Variants in EPG5 observed in about 807,000 individuals in gnomAD.
The protein encoded by EPG5 is ectopic P-granules 5 autophagy tethering factor.
Under a neutral mutation model 302.7 loss-of-function variants are expected in EPG5, and 159 were observed. The ratio of observed to expected loss-of-function variants is 0.53; its 90% CI spans 0.46 to 0.60. EPG5 has a LOEUF of 0.60. EPG5 is among the 20% of genes least tolerant of loss of function. The pLI is 0.00. For synonymous variants in EPG5, 1,158 were observed against 1,136.8 expected (o/e 1.02, Z -0.37); for missense variants, 2,896 against 3,092.4 (o/e 0.94, Z 1.51).
At chr18:45,958,393 G>C (rs2051076855) in intron 1 of EPG5, among the ~76,000 whole-genome samples, 1 of 152,164 alleles carries the variant, frequency 6.6e-6, no homozygotes, top group Non-Finnish European at 1.5e-5. Context: ...AAAGAACAAA[G>C]TTGGAGAACT....
chr18:45,919,697 A>G (rs2050112470), intron 16 of EPG5, among the ~76,000 whole-genome samples: 1 of 152,056 alleles, frequency 6.6e-6, no homozygotes, highest in Non-Finnish European at 1.5e-5. Flanking sequence ...TATTTTTAGT[A>G]GAGACGGGGT....
intron 25 of EPG5, among the ~76,000 whole-genome samples, chr18:45,902,384 T>C (rs1284978024): frequency 6.6e-6 from 1 of 152,202 alleles, no homozygotes; most frequent in Admixed American, 6.5e-5. Flanking sequence ...TATGTTAAAG[T>C]TCCTTTCAAG....
intron 27 of EPG5, among the ~76,000 whole-genome samples, chr18:45,895,784 C>T (rs182117220): frequency 1.4e-4 from 22 of 152,258 alleles, no homozygotes; most frequent in African/African-American, 4.8e-4. Context: ...ATAAAAATAA[C>T]ACAACCTACC....
At chr18:45,824,653 G>A in the EPG5 span, among the ~76,000 whole-genome samples, 25 of 152,290 alleles carry the variant, frequency 1.6e-4, no homozygotes, top group South Asian at 2.1e-4. Flanking sequence ...GCCAAGGCAC[G>A]GCCAAAGGGA....
chr18:45,930,669 T>C lies in EPG5; in HGVS notation c.2412+7A>G. 1 of 1,557,860 alleles carries C rather than the reference T, an allele frequency of 6.4e-7. No homozygotes were observed. On this transcript the variant is annotated splice_region_variant and intron_variant, in intron 12 of 43. Coordinates refer to ENST00000282041, the MANE Select transcript of EPG5 (RefSeq NM_020964.3). The stretch of plus-strand genomic sequence containing the variant: ...TTTAGCTGATTTATAAAACTTCATA[T>C]TCTAACCTCATATATCTCCAGAACA...
At chr18:45,837,614 CA>C in the EPG5 span, 2 of 1,509,492 alleles carry the variant, frequency 1.3e-6, no homozygotes, top group Non-Finnish European at 1.8e-6. Flanking sequence ...CCCGCACCGC[CA>C]CTACGACGGG....
intron 11 of EPG5, among the ~76,000 whole-genome samples, chr18:45,931,733 A>T (rs1599599116): frequency 6.6e-6 from 1 of 151,978 alleles, no homozygotes; most frequent in South Asian, 2.1e-4. Flanking sequence ...TACTCGGGAG[A>T]CTGACGCAGG....
At chr18:45,819,061 G>A in the EPG5 span, among the ~76,000 whole-genome samples, 258 of 152,226 alleles carry the variant, frequency 1.7e-3, 1 homozygote, top group African/African-American at 6.0e-3. Context: ...AAGTTTTAAA[G>A]CAAAATTTTT....
chr18:45,816,794 A>T, the EPG5 span, among the ~76,000 whole-genome samples: 2 of 152,338 alleles, frequency 1.3e-5, no homozygotes, highest in East Asian at 3.9e-4. Context: ...AGAAGTCATT[A>T]TACAAAAAAG....
intron 30 of EPG5, among the ~76,000 whole-genome samples, chr18:45,883,754 C>T (rs930027133): frequency 7.3e-5 from 11 of 150,276 alleles, no homozygotes; most frequent in African/African-American, 1.9e-4. Flanking sequence ...CCACTGCACC[C>T]GACCAAAACT....
At chr18:45,953,824 G>T (rs1267697291) in intron 2 of EPG5, 1 of 985,152 alleles carries the variant, frequency 1.0e-6, no homozygotes, top group Non-Finnish European at 1.2e-6. Context: ...CACTCAATGG[G>T]GAAGACCATT....
chr18:45,940,901 G>T (rs963698647), intron 9 of EPG5, among the ~76,000 whole-genome samples: 4 of 152,270 alleles, frequency 2.6e-5, no homozygotes, highest in East Asian at 3.9e-4. Context: ...AGTTTGGGAA[G>T]GGGGGAGAGT....
chr18:45,938,183 G>T (rs1278185422), intron 10 of EPG5, among the ~76,000 whole-genome samples: 1 of 152,112 alleles, frequency 6.6e-6, no homozygotes, highest in Non-Finnish European at 1.5e-5. Context: ...AGATAAGGCC[G>T]GGTGAAGTGG....
the EPG5 span, among the ~76,000 whole-genome samples, chr18:45,830,218 C>G: frequency 6.6e-6 from 1 of 152,208 alleles, no homozygotes; most frequent in African/African-American, 2.4e-5. Context: ...TGTGGCAAAA[C>G]CAAGGTTTCT....
chr18:45,812,943 T>C, the EPG5 span, among the ~76,000 whole-genome samples: 1 of 152,126 alleles, frequency 6.6e-6, no homozygotes, highest in African/African-American at 2.4e-5. Context: ...CTAAAGAGCT[T>C]CTGCACAGCA....
At chr18:45,858,868 A>G (rs576136012) in intron 40 of EPG5, 86 bp from the exon 41 acceptor site, 32 of 1,075,228 alleles carry the variant, frequency 3.0e-5, no homozygotes, top group African/African-American at 4.8e-5. Context: ...TTTAAGCTTC[A>G]TGATTTTTTT....
rs1256072834 is a variant in EPG5 at position 45,928,925 on chromosome 18, C to T, written c.2497G>A (p.Glu833Lys). ...LLGTITAVHPEIISVLLDRVQ... is the reference protein window; with the variant it reads ...LLGTITAVHPKIISVLLDRVQ... ...CTATCCAGAAGGACGGAAATTATCT[C>T]AGGGTGAACAGCTGTGATAGTCCCT... Residue 833 changes from glutamate (E) to lysine (K), a missense_variant, in exon 13 of 44, where the codon GAG (glutamate) becomes AAG (lysine). This residue lies in a region of EPG5 where 1,390 missense variants were observed against 1,430.0 expected (regional missense o/e 0.97). Transcript: ENST00000282041. 2 of 1,613,980 alleles carry T rather than the reference C, an allele frequency of 1.2e-6. No individual in the cohort carries two copies. Among genetic ancestry groups the T allele is most frequent in the Admixed American group, 3.3e-5 (2 of 60,010 alleles).
intron 35 of EPG5, among the ~76,000 whole-genome samples, chr18:45,873,540 A>G (rs2048914235): frequency 6.6e-6 from 1 of 152,034 alleles, no homozygotes; most frequent in African/African-American, 2.4e-5. Context: ...AATTAAATAT[A>G]TAGCCTTTAT....
intron 11 of EPG5, among the ~76,000 whole-genome samples, chr18:45,933,059 G>A (rs1303856989): frequency 6.6e-6 from 1 of 152,192 alleles, no homozygotes; most frequent in Non-Finnish European, 1.5e-5. Flanking sequence ...ACAAAGTAGT[G>A]CTGCTGACCA....
Sources: gnomAD v4.1 joint callset for allele counts (sites outside exome capture counted in the v4.1 genomes callset) on GRCh38, gnomAD v4.1.1 for gene constraint, gnomAD v4.1.1 regional missense constraint, MANE v1.5 for transcripts, NCBI Gene and HGNC (gene_info 2026-07-23, HGNC 2026-07-21) for gene names.